Variants in MLLT6 observed in about 807,000 individuals in gnomAD.
The protein encoded by MLLT6 is protein AF-17.
In MLLT6, 22 loss-of-function variants were observed where a neutral mutation model predicts 103.0. The observed-to-expected ratio is 0.21, with a 90% CI of 0.15 to 0.31. The LOEUF (loss-of-function observed/expected upper bound fraction) is 0.31. Among genes scored for constraint, MLLT6 ranks in the 10% least tolerant of loss-of-function variants. The pLI is 1.00. For synonymous variants in MLLT6, 606 were observed against 623.5 expected (o/e 0.97, Z 0.42); for missense variants, 1,199 against 1,441.7 (o/e 0.83, Z 2.73).
intron 17 of MLLT6, 77 bp downstream of exon 17, chr17:38,722,304 C>A: frequency 1.8e-6 from 2 of 1,120,516 alleles, no homozygotes; most frequent in Non-Finnish European, 2.4e-6. Context: ...TTCCCCAAAA[C>A]ACCCACAATC....
Position 38,720,220 on chromosome 17 carries a change from C to T in MLLT6, c.2156-152C>T, listed in dbSNP as rs1168308195. The T allele has an allele frequency of 8.7e-6, 7 of 800,500 alleles. No individual in the cohort carries two copies. In the East Asian group the frequency reaches 1.3e-4, roughly 15 times the overall value. The allele number at this position is 800,500 out of a possible 1,614,324, so 49.6% of individuals were successfully genotyped here. A position where few individuals can be genotyped will look rare whatever the true frequency, so the allele number is the denominator to read the frequency against. The stretch of plus-strand genomic sequence containing the variant: ...CACACCTGTGGCTCCCCAAGTCCCG[C>T]CTCTCTTCTCAGAGCTCACCTGTGT... On this transcript the variant is annotated intron_variant, in intron 14 of 19. Transcript: ENST00000621332.
Position 38,729,574 on chromosome 17 carries a change from G to A in MLLT6, c.*3976G>A. 4.3e-6 allele frequency: 1 copy of A among 232,810 alleles called. No individual in the cohort carries two copies. The highest frequency in any genetic ancestry group is 2.2e-5 in the African/African-American group (1 of 45,322). The allele number at this position is 232,810 out of a possible 1,614,324, so 14.4% of individuals were successfully genotyped here. ...AGACCCTTCCTAGGGAGCAGGGAGGGGAAGCCACAGATTGCAAACCCAGGG... is the reference window on the plus strand; with the variant it reads ...AGACCCTTCCTAGGGAGCAGGGAGGAGAAGCCACAGATTGCAAACCCAGGG... On this transcript the variant is annotated 3_prime_UTR_variant, in exon 20 of 20. Coordinates refer to ENST00000621332, the MANE Select transcript of MLLT6 (RefSeq NM_005937.4).
intron 8 of MLLT6, 113 bp from the exon 9 acceptor site, chr17:38,715,499 C>T: frequency 2.1e-6 from 3 of 1,432,484 alleles, no homozygotes; most frequent in Non-Finnish European, 9.1e-7. Flanking sequence ...ATGAAACTAG[C>T]TGTGGGCTCT....
chr17:38,722,648 T>TGCCCCCC, intron 17 of MLLT6, 30 bp from the exon 18 acceptor site: 15 of 441,542 alleles, frequency 3.4e-5, no homozygotes, highest in South Asian at 8.5e-5. Flanking sequence ...CTGTGTGTTG[T>TGCCCCCC]CCCCCCCCCA....
intron 7 of MLLT6, 38 bp from the exon 8 acceptor site, chr17:38,712,653 C>G: frequency 7.3e-7 from 1 of 1,368,316 alleles, no homozygotes; most frequent in Non-Finnish European, 1.0e-6. Flanking sequence ...GCCCAGACAG[C>G]CCCCCAGCAC....
chr17:38,719,382 A>G (rs1443268774), intron 12 of MLLT6, 135 bp from the exon 13 acceptor site: 2 of 818,172 alleles, frequency 2.4e-6, no homozygotes, highest in African/African-American at 3.4e-5. Flanking sequence ...CTGGCCTTGA[A>G]CTGCCAGTGT....
chr17:38,712,119 C>A (rs1174997208), intron 7 of MLLT6, 105 bp downstream of exon 7: 2 of 1,378,218 alleles, frequency 1.5e-6, no homozygotes, highest in South Asian at 1.8e-5. Context: ...CTTGGCCCTG[C>A]CTTCTTCCTT....
rs1310970936 is a variant in MLLT6, at chr17:38,722,215, G to A, written c.2780G>A (p.Gly927Asp). 3 of 1,370,348 alleles carry A rather than the reference G, an allele frequency of 2.2e-6. No individual in the cohort carries two copies. Among genetic ancestry groups the A allele is most frequent in the Admixed American group, 3.6e-5 (1 of 27,866 alleles). 84.9% of individuals were successfully genotyped at this position (1,370,348 alleles called of 1,614,324 possible). A position where few individuals can be genotyped will look rare whatever the true frequency, so the allele number is the denominator to read the frequency against. The change falls in exon 17 of 20, where the codon GGC (glycine) becomes GAC (aspartate). Residue 927 changes from glycine (G) to aspartate (D), a missense_variant. Coordinates refer to ENST00000621332, the MANE Select transcript of MLLT6 (RefSeq NM_005937.4). ...GGGGCCCCCACGCTGCAGCTGCCAGGCTGTCTCAACAGGTGAGGGAGAGCT... is the reference window on the plus strand; with the variant it reads ...GGGGCCCCCACGCTGCAGCTGCCAGACTGTCTCAACAGGTGAGGGAGAGCT... ...AGGAPTLQLP[G>D]CLNSLTEQQR...
chr17:38,718,066 C>T, intron 12 of MLLT6, 113 bp downstream of exon 12: 1 of 727,736 alleles, frequency 1.4e-6, no homozygotes. Flanking sequence ...CTCCCTCTGG[C>T]CATTGCCCTC....
In MLLT6 at chr17:38,716,282, A is replaced by G. The variant is rs1905339509; in HGVS notation, c.1037-85A>G. 10 of 1,400,850 alleles carry G rather than the reference A, an allele frequency of 7.1e-6. No individual in the cohort carries two copies. In the East Asian group the frequency reaches 2.3e-4, roughly 32 times the overall value. The allele number at this position is 1,400,850 out of a possible 1,614,324, so 86.8% of individuals were successfully genotyped here. ...CCAGGCATCCCCATTCGTGGACCAG[A>G]GCTCTCTCCCGCCAGTACACGCGGG... On this transcript the variant is annotated intron_variant, in intron 9 of 19. Coordinates refer to ENST00000621332, the MANE Select transcript of MLLT6 (RefSeq NM_005937.4). The surrounding 1 kb of genome is among the most constrained non-coding windows in gnomAD (Gnocchi z 5.6).
chr17:38,724,575 G>T lies in MLLT6; in HGVS notation c.2884-45G>T. ...CAGGGCAGGCAGGCAGCAGGGAAGAGACCCCCGGGACTGTTGGCCAACAAG... is the reference window on the plus strand; with the variant it reads ...CAGGGCAGGCAGGCAGCAGGGAAGATACCCCCGGGACTGTTGGCCAACAAG... On this transcript the variant is annotated intron_variant, in intron 18 of 19. Transcript: ENST00000621332. The surrounding 1 kb of genome is among the most constrained non-coding windows in gnomAD (Gnocchi z 5.4). 6.8e-7 allele frequency: 1 copy of T among 1,471,124 alleles called. No individual in the cohort carries two copies. Among genetic ancestry groups the T allele is most frequent in the South Asian group, 1.3e-5 (1 of 74,936 alleles). The allele number at this position is 1,471,124 out of a possible 1,614,324, so 91.1% of individuals were successfully genotyped here. A position where few individuals can be genotyped will look rare whatever the true frequency, so the allele number is the denominator to read the frequency against.
Position 38,720,360 on chromosome 17 carries a change from C to T in MLLT6, c.2156-12C>T, listed in dbSNP as rs1339299860. On this transcript the variant is annotated splice_polypyrimidine_tract_variant and intron_variant, in intron 14 of 19. Coordinates refer to ENST00000621332, the MANE Select transcript of MLLT6 (RefSeq NM_005937.4). The stretch of plus-strand genomic sequence containing the variant: ...CCTCGCCCCTCCCTCAGGTTCCTCG[C>T]TCTCTCCGCAGTCGTGGAGATGCTG... 19 of 1,600,640 alleles carry T rather than the reference C, an allele frequency of 1.2e-5. No homozygotes were observed. The highest frequency in any genetic ancestry group is 1.4e-5 in the Non-Finnish European group (16 of 1,177,418).
chr17:38,717,886 C>T lies in MLLT6; in HGVS notation c.1875C>T (p.Thr625=), dbSNP rs1168932962. The T allele has an allele frequency of 6.2e-7, 1 of 1,614,114 alleles. No homozygotes were observed. Among genetic ancestry groups the T allele is most frequent in the Non-Finnish European group, 8.5e-7 (1 of 1,179,964 alleles). ...GCTCTACCTTTAGCCTCCCTTCTAC[C>T]CACATCTTTGGAACCCCCATGGGTG... ...LAGSTFSLPS[T]HIFGTPMGAV... The change falls in exon 12 of 20, where the codon ACC becomes ACT. Residue 625 remains threonine (T), a synonymous_variant. Coordinates refer to ENST00000621332, the MANE Select transcript of MLLT6 (RefSeq NM_005937.4).
At chr17:38,721,729 A>G (rs1203853830) in intron 16 of MLLT6, 149 bp from the exon 17 acceptor site, 3 of 528,788 alleles carry the variant, frequency 5.7e-6, no homozygotes, top group Non-Finnish European at 9.8e-6. Context: ...TTGGATTCTT[A>G]GCCCTCATCC....
intron 1 of MLLT6, chr17:38,706,395 C>T (rs1356815159): frequency 6.6e-6 from 1 of 152,266 alleles, no homozygotes; most frequent in South Asian, 2.1e-4. Context: ...CTTCCTGGGA[C>T]ATCCCTGAAT....
At chr17:38,721,104 C>T (rs1905708019) in intron 16 of MLLT6, 1 of 363,234 alleles carries the variant, frequency 2.8e-6, no homozygotes, top group Admixed American at 4.6e-5. Flanking sequence ...TTAGGGAAGG[C>T]CTCTTTGAGA....
intron 16 of MLLT6, chr17:38,721,100 A>G (rs1339572194): frequency 2.7e-6 from 1 of 375,826 alleles, no homozygotes; most frequent in Non-Finnish European, 4.9e-6. Flanking sequence ...GTGGTTAGGG[A>G]AGGCCTCTTT....
Position 38,716,546 on chromosome 17 carries a change from A to G in MLLT6, c.1216A>G (p.Ile406Val), listed in dbSNP as rs777922672. 4 of 1,614,044 alleles carry G rather than the reference A, an allele frequency of 2.5e-6. No individual in the cohort carries two copies. Among genetic ancestry groups the G allele is most frequent in the South Asian group, 1.1e-5 (1 of 91,072 alleles). The change falls in exon 10 of 20, where the codon ATC (isoleucine) becomes GTC (valine). Residue 406 changes from isoleucine to valine, a missense_variant. Physicochemically the swap from Ile to Val is conservative, Grantham distance 29. Transcript: ENST00000621332. The surrounding 1 kb of genome is among the most constrained non-coding windows in gnomAD (Gnocchi z 5.6). ...GGTGGTCTTCTCTGGCTTTGGGCCC[A>G]TCATGCGCTTCTCCACCACCACCTC... ...QKVVFSGFGPIMRFSTTTSSS... is the reference protein window; with the variant it reads ...QKVVFSGFGPVMRFSTTTSSS...
chr17:38,719,718 G>A, intron 13 of MLLT6, 32 bp from the exon 14 acceptor site: 1 of 1,596,544 alleles, frequency 6.3e-7, no homozygotes, highest in East Asian at 2.2e-5. Context: ...GAGTGGTCGG[G>A]TCGACTGAAC....
Sources: allele counts gnomAD v4.1 joint callset, GRCh38; gene constraint gnomAD v4.1.1; non-coding constraint Gnocchi (gnomAD v3.1); transcripts MANE v1.5; gene names NCBI Gene and HGNC (gene_info 2026-07-23, HGNC 2026-07-21).